GFRA2: variants seen among roughly 807,000 people sequenced by gnomAD.
GFRA2 encodes GDNF family receptor alpha-2.
GFRA2 carries 17 observed loss-of-function variants against 48.3 expected under a neutral mutation model. That is an observed-to-expected ratio of 0.35 (90% confidence interval 0.24 to 0.53). The LOEUF (loss-of-function observed/expected upper bound fraction) is 0.53, where lower values mean the gene tolerates loss of function less well. GFRA2 is among the 20% of genes least tolerant of loss of function. GFRA2 has a pLI of 0.93. For missense variants in GFRA2, 660 were observed against 637.3 expected, an observed-to-expected ratio of 1.04 and a Z score of -0.38; for synonymous variants, 305 against 257.2, an observed-to-expected ratio of 1.19 and a Z score of -1.78.
chr8:21,731,106 G>A (rs921815290), intron 4 of GFRA2, among the ~76,000 whole-genome samples: 2 of 151,944 alleles, frequency 1.3e-5, no homozygotes, highest in African/African-American at 4.8e-5. Flanking sequence ...GATCCTCCCA[G>A]CACCCCCATC....
chr8:21,722,620 T>C (rs1194905294), intron 4 of GFRA2, among the ~76,000 whole-genome samples: 1 of 151,918 alleles, frequency 6.6e-6, no homozygotes, highest in Admixed American at 6.6e-5. Flanking sequence ...CTCCCATGTG[T>C]CCCCACACGC....
chr8:21,734,069 C>G (rs1288162665), intron 4 of GFRA2, among the ~76,000 whole-genome samples: 1 of 152,184 alleles, frequency 6.6e-6, no homozygotes, highest in African/African-American at 2.4e-5. Flanking sequence ...GGGGCCTCCA[C>G]CGAAGGGCTC....
chr8:21,750,734 G>T lies in GFRA2; in HGVS notation c.648C>A (p.Thr216=), dbSNP rs1805249385. Residue 216 remains threonine, a synonymous_variant, in exon 4 of 9, where the codon ACC becomes ACA. Transcript: ENST00000524240. The surrounding 1 kb of genome is among the most constrained non-coding windows in gnomAD (Gnocchi z 5.7). ...GGCAGGAGCAGAAGAGCATGCGGTA[G>T]GTGTACTCGCTGGGCACCCGGTCGA... ...QFFDRVPSEY[T]YRMLFCSCQD... 5.0e-6 allele frequency: 8 copies of T among 1,613,850 alleles called. No individual in the cohort carries two copies. The highest frequency in any genetic ancestry group is 5.9e-6 in the Non-Finnish European group (7 of 1,179,882).
At chr8:21,797,460 C>T (rs1299853313) in intron 2 of GFRA2, 2 of 151,974 alleles carry the variant, frequency 1.3e-5, no homozygotes, top group African/African-American at 4.8e-5. Flanking sequence ...TGGAGGTGCA[C>T]ACCTGGCCTG....
At chr8:21,755,400 C>A (rs1393254506) in intron 3 of GFRA2, among the ~76,000 whole-genome samples, 2 of 152,112 alleles carry the variant, frequency 1.3e-5, no homozygotes, top group African/African-American at 4.8e-5. Context: ...AAGCCTTTTA[C>A]TACAAAAATG....
intron 4 of GFRA2, among the ~76,000 whole-genome samples, chr8:21,726,002 G>A (rs1803851872): frequency 6.6e-6 from 1 of 152,188 alleles, no homozygotes; most frequent in Admixed American, 6.5e-5. Context: ...TAGGAGCTGG[G>A]TTTTGCTGCC....
At chr8:21,721,373 A>G (rs1311707220) in intron 4 of GFRA2, among the ~76,000 whole-genome samples, 2 of 152,158 alleles carry the variant, frequency 1.3e-5, no homozygotes, top group African/African-American at 2.4e-5. Flanking sequence ...GAGAATTAAC[A>G]CACATCCTTA....
chr8:21,738,633 G>A (rs1804601087), intron 4 of GFRA2, among the ~76,000 whole-genome samples: 1 of 152,056 alleles, frequency 6.6e-6, no homozygotes, highest in Admixed American at 6.5e-5. Context: ...TCTTTCCTCT[G>A]GGGTACCTCT....
upstream of GFRA2, among the ~76,000 whole-genome samples, chr8:21,792,955 T>TCG (rs1807602435): frequency 6.6e-6 from 1 of 152,140 alleles, no homozygotes; most frequent in South Asian, 2.1e-4. Context: ...TAGTCCCAGC[T>TCG]ACTCGAGTGC....
chr8:21,719,739 C>T (rs950302853), intron 4 of GFRA2, among the ~76,000 whole-genome samples: 4 of 152,170 alleles, frequency 2.6e-5, no homozygotes, highest in Admixed American at 6.5e-5. Context: ...GCTGGTGGTA[C>T]GAGGATGGAT....
chr8:21,698,608 C>A (rs1054542554), intron 7 of GFRA2, among the ~76,000 whole-genome samples: 10 of 152,178 alleles, frequency 6.6e-5, no homozygotes, highest in Non-Finnish European at 1.5e-4. Flanking sequence ...GGCCTTCCTC[C>A]CTGACCTGCA....
intron 2 of GFRA2, chr8:21,780,826 A>G (rs1806947892): frequency 6.6e-6 from 1 of 152,140 alleles, no homozygotes; most frequent in South Asian, 2.1e-4. Flanking sequence ...CTCTCTTCTA[A>G]ATAGCTCTCA....
intron 4 of GFRA2, among the ~76,000 whole-genome samples, chr8:21,742,298 A>G (rs927325541): frequency 6.6e-6 from 1 of 152,194 alleles, no homozygotes; most frequent in Non-Finnish European, 1.5e-5. Flanking sequence ...TAGTGGCCTT[A>G]TAAGAAGAGG....
chr8:21,717,404 GTT>G (rs981444645), intron 4 of GFRA2, among the ~76,000 whole-genome samples: 1 of 152,164 alleles, frequency 6.6e-6, no homozygotes, highest in Non-Finnish European at 1.5e-5. Flanking sequence ...AGACAATAGA[GTT>G]TATGCCCCCC....
intron 4 of GFRA2, among the ~76,000 whole-genome samples, chr8:21,715,302 G>GT (rs1803276468): frequency 6.6e-6 from 1 of 152,054 alleles, no homozygotes; most frequent in Non-Finnish European, 1.5e-5. Flanking sequence ...AGATAGTTTT[G>GT]TTTTTTTGTG....
At chr8:21,724,083 A>T (rs551819090) in intron 4 of GFRA2, among the ~76,000 whole-genome samples, 21 of 152,340 alleles carry the variant, frequency 1.4e-4, no homozygotes, top group Admixed American at 3.9e-4. Flanking sequence ...ATACCCTCAG[A>T]GCCACAGAAT....
At chr8:21,802,630 C>T (rs1423372003) in intron 2 of GFRA2, among the ~76,000 whole-genome samples, 2 of 152,140 alleles carry the variant, frequency 1.3e-5, no homozygotes, top group African/African-American at 4.8e-5. Flanking sequence ...GCTGGGATTA[C>T]AGGTGTGAGC....
At chr8:21,728,983 G>A (rs1804037901) in intron 4 of GFRA2, among the ~76,000 whole-genome samples, 1 of 152,178 alleles carries the variant, frequency 6.6e-6, no homozygotes, top group African/African-American at 2.4e-5. Flanking sequence ...TTAGGCCTGT[G>A]CCCGAGTGGC....
intron 4 of GFRA2, among the ~76,000 whole-genome samples, chr8:21,727,865 A>G (rs1330500909): frequency 6.6e-6 from 1 of 152,128 alleles, no homozygotes; most frequent in Non-Finnish European, 1.5e-5. Context: ...AACGGGGGTT[A>G]TTTTCGTAGT....
Sources: allele counts gnomAD v4.1 joint callset (sites outside exome capture counted in the v4.1 genomes callset), GRCh38; gene constraint gnomAD v4.1.1; non-coding constraint Gnocchi (gnomAD v3.1); transcripts MANE v1.5; gene names NCBI Gene and HGNC (gene_info 2026-07-23, HGNC 2026-07-21).